Variants in PLCL2 observed in about 807,000 individuals in gnomAD.
PLCL2 encodes the protein inactive phospholipase C-like protein 2.
PLCL2 carries 4 observed loss-of-function variants against 79.6 expected under a neutral mutation model. The observed-to-expected ratio is 0.05, with a 90% CI of 0.02 to 0.11. PLCL2 has a LOEUF of 0.11. Among genes scored for constraint, PLCL2 ranks in the 10% least tolerant of loss-of-function variants. The pLI is 1.00. For missense variants in PLCL2, 895 were observed against 1,291.0 expected, an observed-to-expected ratio of 0.69 and a Z score of 4.70; for synonymous variants, 484 against 457.7, an observed-to-expected ratio of 1.06 and a Z score of -0.73.
chr3:16,938,123 T>C (rs564525917), intron 1 of PLCL2, among the ~76,000 whole-genome samples: 3 of 152,334 alleles, frequency 2.0e-5, no homozygotes, highest in Non-Finnish European at 2.9e-5. Context: ...GAATTATAAA[T>C]CTCTGCCAAA....
At chr3:16,885,599 G>T (rs1696201740) in intron 1 of PLCL2, among the ~76,000 whole-genome samples, 2 of 152,198 alleles carry the variant, frequency 1.3e-5, no homozygotes, top group African/African-American at 4.8e-5. Context: ...TGAACTTGGG[G>T]CTGTCACCTC....
At chr3:16,930,279 C>T (rs769774875) in intron 1 of PLCL2, among the ~76,000 whole-genome samples, 4 of 152,080 alleles carry the variant, frequency 2.6e-5, no homozygotes, top group Non-Finnish European at 5.9e-5. Context: ...CGAGATTTCA[C>T]GAGTAGATGA....
At chr3:17,048,659 G>A (rs1374968210) in intron 4 of PLCL2, among the ~76,000 whole-genome samples, 2 of 152,136 alleles carry the variant, frequency 1.3e-5, no homozygotes, top group African/African-American at 4.8e-5. Context: ...TAATTTCATA[G>A]CCACCTCCTG....
chr3:16,890,781 T>C (rs1250614356), intron 1 of PLCL2, among the ~76,000 whole-genome samples: 1 of 152,242 alleles, frequency 6.6e-6, no homozygotes, highest in Non-Finnish European at 1.5e-5. Context: ...TTGAGAGGGT[T>C]GTGCTTAGCA....
chr3:16,981,186 C>T (rs995676559), intron 1 of PLCL2, among the ~76,000 whole-genome samples: 7 of 151,866 alleles, frequency 4.6e-5, no homozygotes, highest in African/African-American at 1.7e-4. Flanking sequence ...CACTTTCAAC[C>T]ATGATTGTGA....
At chr3:16,956,345 A>T (rs2063705391) in intron 1 of PLCL2, among the ~76,000 whole-genome samples, 1 of 152,094 alleles carries the variant, frequency 6.6e-6, no homozygotes, top group Non-Finnish European at 1.5e-5. Flanking sequence ...TGATTTGCAT[A>T]TGTTGAACCA....
intron 1 of PLCL2, among the ~76,000 whole-genome samples, chr3:16,919,601 A>G (rs937703319): frequency 1.3e-5 from 2 of 150,102 alleles, no homozygotes; most frequent in East Asian, 1.9e-4. Flanking sequence ...TCTTTTTGCT[A>G]TTTTTCTGAC....
intron 1 of PLCL2, among the ~76,000 whole-genome samples, chr3:16,980,755 A>G (rs983520625): frequency 1.6e-4 from 24 of 152,208 alleles, no homozygotes; most frequent in Non-Finnish European, 3.1e-4. Context: ...AGAGGCTGCA[A>G]TCTCGGCACT....
chr3:16,891,739 T>C (rs1410538474), intron 1 of PLCL2, among the ~76,000 whole-genome samples: 2 of 152,186 alleles, frequency 1.3e-5, no homozygotes, highest in East Asian at 3.8e-4. Context: ...GGACGATAAA[T>C]AATATGGTCA....
intron 1 of PLCL2, among the ~76,000 whole-genome samples, chr3:16,927,871 C>G (rs895073361): frequency 2.0e-5 from 3 of 152,176 alleles, no homozygotes; most frequent in Non-Finnish European, 4.4e-5. Flanking sequence ...CTTATTTAGA[C>G]AACAGCAAAA....
At chr3:16,973,912 T>G (rs1433114598) in intron 1 of PLCL2, among the ~76,000 whole-genome samples, 1 of 152,196 alleles carries the variant, frequency 6.6e-6, no homozygotes, top group Non-Finnish European at 1.5e-5. Context: ...AGAAGAGGTA[T>G]ATGGTATTGT....
At chr3:17,008,394 C>A (rs1362556241) in intron 1 of PLCL2, among the ~76,000 whole-genome samples, 5 of 151,458 alleles carry the variant, frequency 3.3e-5, no homozygotes, top group Non-Finnish European at 5.9e-5. Flanking sequence ...TTAGCTGTTT[C>A]TCATCATTTG....
chr3:17,071,983 T>C (rs1024262406), intron 5 of PLCL2, among the ~76,000 whole-genome samples: 3 of 152,076 alleles, frequency 2.0e-5, no homozygotes, highest in African/African-American at 4.8e-5. Flanking sequence ...TGTGCCACCA[T>C]GCCCAGCTAA....
chr3:16,894,894 G>A, intron 1 of PLCL2, among the ~76,000 whole-genome samples: 1 of 151,538 alleles, frequency 6.6e-6, no homozygotes, highest in East Asian at 1.9e-4. Context: ...TGTTTATATG[G>A]TTTAATGTTT....
chr3:16,916,343 G>A (rs1190335892), intron 1 of PLCL2, among the ~76,000 whole-genome samples: 1 of 152,166 alleles, frequency 6.6e-6, no homozygotes, highest in Non-Finnish European at 1.5e-5. Context: ...GAGGCAGATG[G>A]GTTTCTGTAG....
chr3:16,945,067 G>T (rs1200510876), intron 1 of PLCL2, among the ~76,000 whole-genome samples: 1 of 152,114 alleles, frequency 6.6e-6, no homozygotes, highest in Admixed American at 6.5e-5. Context: ...GCCTATTCCA[G>T]ATTTTTTTAA....
chr3:16,936,397 G>GT (rs1697540181), intron 1 of PLCL2, among the ~76,000 whole-genome samples: 1 of 152,178 alleles, frequency 6.6e-6, no homozygotes, highest in African/African-American at 2.4e-5. Context: ...CTGGTTCCCA[G>GT]TAAGTGCTGT....
At chr3:16,909,694 T>C (rs1696830676) in intron 1 of PLCL2, among the ~76,000 whole-genome samples, 1 of 152,234 alleles carries the variant, frequency 6.6e-6, no homozygotes, top group Non-Finnish European at 1.5e-5. Context: ...GATATAATAT[T>C]TCTCTGGAGT....
chr3:17,079,349 T>C (rs1217464259), intron 5 of PLCL2, among the ~76,000 whole-genome samples: 1 of 152,164 alleles, frequency 6.6e-6, no homozygotes, highest in East Asian at 1.9e-4. Context: ...TGCTCCTGAA[T>C]GCTAACCCTA....
Sources: allele counts gnomAD v4.1 joint callset (sites outside exome capture counted in the v4.1 genomes callset), GRCh38; gene constraint gnomAD v4.1.1; transcripts MANE v1.5; gene names NCBI Gene and HGNC (gene_info 2026-07-23, HGNC 2026-07-21).